FAM227B: variants seen among roughly 807,000 people sequenced by gnomAD.
The protein encoded by FAM227B is family with sequence similarity 227 member B.
In FAM227B, 88 loss-of-function variants were observed where a neutral mutation model predicts 73.8. The ratio of observed to expected loss-of-function variants is 1.19; its 90% confidence interval spans 1.00 to 1.42. FAM227B has a LOEUF of 1.42. Ranked by LOEUF, FAM227B falls within the 40% of genes most tolerant of loss-of-function variation. FAM227B has a pLI of 0.00. For missense variants in FAM227B, 632 were observed against 590.9 expected, an observed-to-expected ratio of 1.07 and a Z score of -0.72; for synonymous variants, 210 against 190.5, an observed-to-expected ratio of 1.10 and a Z score of -0.84.
chr15:49,363,547 T>A (rs968667427), intron 13 of FAM227B, among the ~76,000 whole-genome samples: 16 of 152,188 alleles, frequency 1.1e-4, no homozygotes, highest in Admixed American at 1.0e-3. Context: ...TTTTGCTACA[T>A]ATAGGATCAT....
In FAM227B at chr15:49,328,480, G is replaced by GGACTT; in HGVS notation, c.*83_*87dup. 1 of 1,548,276 alleles carries GGACTT rather than the reference G, an allele frequency of 6.5e-7. No homozygotes were observed. The highest frequency in any genetic ancestry group is 2.3e-5 in the East Asian group (1 of 44,154). ...ACTCTTAATACTGATTACATGGATT[G>GGACTT]GACTTGAATTAAATATATTGTTACA... On this transcript the variant is annotated 3_prime_UTR_variant, in exon 16 of 16. Coordinates refer to ENST00000299338, the MANE Select transcript of FAM227B (RefSeq NM_152647.3).
At chr15:49,385,536 C>A (rs566996690) in intron 11 of FAM227B, among the ~76,000 whole-genome samples, 2 of 150,434 alleles carry the variant, frequency 1.3e-5, no homozygotes, top group Non-Finnish European at 3.0e-5. Context: ...AAGCCCAATA[C>A]GCACCAAAAT....
intron 3 of FAM227B, among the ~76,000 whole-genome samples, chr15:49,590,907 CATGCCACAGTTGCCTTT>C (rs1444839642): frequency 1.2e-4 from 19 of 152,040 alleles, no homozygotes; most frequent in Non-Finnish European, 2.1e-4. Context: ...TAAGTGAGAT[CATGCCACAGTTGCCTTT>C]TTGTGCCTGG....
chr15:49,615,917 G>A (rs1423398568), intron 1 of FAM227B, among the ~76,000 whole-genome samples: 1 of 152,050 alleles, frequency 6.6e-6, no homozygotes, highest in Non-Finnish European at 1.5e-5. Context: ...GTGAAGATTT[G>A]GAATTAAGGC....
At chr15:49,502,213 G>C (rs544472363) in intron 11 of FAM227B, among the ~76,000 whole-genome samples, 5 of 152,158 alleles carry the variant, frequency 3.3e-5, no homozygotes, top group African/African-American at 1.2e-4. Context: ...CTGCCTAGTC[G>C]AACTGTGAGA....
chr15:49,355,285 T>C (rs938177607), intron 13 of FAM227B, among the ~76,000 whole-genome samples: 4 of 152,004 alleles, frequency 2.6e-5, no homozygotes. Flanking sequence ...GACTATCAAA[T>C]TACTCTGAGC....
intron 11 of FAM227B, among the ~76,000 whole-genome samples, chr15:49,495,307 T>C (rs1481654111): frequency 6.6e-6 from 1 of 152,178 alleles, no homozygotes. Flanking sequence ...GTTTGAAATA[T>C]ACATATTCTC....
At chr15:49,538,026 T>C (rs1261251785) in intron 10 of FAM227B, among the ~76,000 whole-genome samples, 2 of 152,106 alleles carry the variant, frequency 1.3e-5, no homozygotes, top group Admixed American at 6.6e-5. Flanking sequence ...TACTAGTTAA[T>C]AAAACTGTAC....
chr15:49,490,523 CA>C (rs2152056031), intron 11 of FAM227B, among the ~76,000 whole-genome samples: 1 of 151,932 alleles, frequency 6.6e-6, no homozygotes, highest in Admixed American at 6.6e-5. Context: ...GGCAAAACAA[CA>C]AGAAAAAGTA....
intron 8 of FAM227B, 78 bp from the exon 9 acceptor site, chr15:49,568,424 T>C (rs1002348926): frequency 1.6e-5 from 19 of 1,167,964 alleles, no homozygotes; most frequent in Non-Finnish European, 2.1e-5. Flanking sequence ...AGCAATTTCA[T>C]TTATTCTCAT....
intron 11 of FAM227B, among the ~76,000 whole-genome samples, chr15:49,389,364 TA>T (rs2047066068): frequency 6.6e-6 from 1 of 152,038 alleles, no homozygotes; most frequent in Admixed American, 6.6e-5. Context: ...GCCATTATTC[TA>T]AGTGAAGTAA....
At position 49,589,860 on chromosome 15, in the gene FAM227B, C is replaced by T. The variant is rs2076417521; in HGVS notation, c.253G>A (p.Glu85Lys). 6.2e-7 allele frequency: 1 copy of T among 1,607,206 alleles called. No homozygotes were observed. The highest frequency in any genetic ancestry group is 2.2e-5 in the East Asian group (1 of 44,800). ...AGTGAATATTCCTTTAATTTTGATT[C>T]CATGATCAAAAGTGCTTCAAATATT... is the stretch of plus-strand genomic sequence containing the variant. ...PRIFEALLIMESKLKEYSLIL... is the reference protein window; with the variant it reads ...PRIFEALLIMKSKLKEYSLIL... Residue 85 changes from glutamate to lysine, a missense_variant, in exon 4 of 16, where the codon GAA becomes AAA. Glu to Lys is a moderately conservative substitution (Grantham distance 56). Transcript: ENST00000299338.
At chr15:49,430,909 A>AC (rs2050555610) in intron 11 of FAM227B, among the ~76,000 whole-genome samples, 1 of 147,892 alleles carries the variant, frequency 6.8e-6, no homozygotes, top group African/African-American at 2.5e-5. Context: ...TCCAGATCAG[A>AC]GAAAAGACAT....
At chr15:49,400,434 T>C in intron 11 of FAM227B, among the ~76,000 whole-genome samples, 1 of 105,124 alleles carries the variant, frequency 9.5e-6, no homozygotes, top group East Asian at 2.4e-4. Context: ...CCCAAGGTAA[T>C]TTACAGATTC....
chr15:49,403,424 T>A (rs190336561), intron 11 of FAM227B, among the ~76,000 whole-genome samples: 78 of 152,324 alleles, frequency 5.1e-4, no homozygotes, highest in African/African-American at 1.8e-3. Flanking sequence ...CTATTTATTA[T>A]CGCCTTAATT....
At chr15:49,484,576 A>T (rs1057178213) in intron 11 of FAM227B, 36 of 732,518 alleles carry the variant, frequency 4.9e-5, no homozygotes, top group Non-Finnish European at 7.3e-5. Context: ...TTTCTTCTCA[A>T]AATTTTCTTT....
chr15:49,549,821 A>G (rs1178930444), intron 9 of FAM227B, among the ~76,000 whole-genome samples: 1 of 152,186 alleles, frequency 6.6e-6, no homozygotes, highest in East Asian at 1.9e-4. Flanking sequence ...GCCCGCTCTC[A>G]ATGAGCTGTT....
At chr15:49,382,330 C>T (rs1414042263) in intron 11 of FAM227B, among the ~76,000 whole-genome samples, 1 of 151,906 alleles carries the variant, frequency 6.6e-6, no homozygotes, top group Non-Finnish European at 1.5e-5. Context: ...TAGTTTCAAG[C>T]AAATATTAAT....
intron 11 of FAM227B, among the ~76,000 whole-genome samples, chr15:49,494,978 A>G (rs2057467848): frequency 6.6e-6 from 1 of 152,206 alleles, no homozygotes; most frequent in Non-Finnish European, 1.5e-5. Flanking sequence ...AAATGAATAG[A>G]AATATATCAC....
Sources: allele counts gnomAD v4.1 joint callset (sites outside exome capture counted in the v4.1 genomes callset), GRCh38; gene constraint gnomAD v4.1.1; transcripts MANE v1.5; gene names NCBI Gene and HGNC (gene_info 2026-07-23, HGNC 2026-07-21).